The following TIAM1 variants were observed in gnomAD, a reference collection of about 807,000 sequenced individuals.
TIAM1 encodes the protein rho guanine nucleotide exchange factor TIAM1.
Under a neutral mutation model 163.5 loss-of-function variants are expected in TIAM1, and 65 were observed. That is an observed-to-expected ratio of 0.40 (90% CI 0.33 to 0.49). The LOEUF is 0.49. TIAM1 is among the 20% of genes least tolerant of loss of function. The pLI is 0.77. For missense variants in TIAM1, 1,789 were observed against 2,044.7 expected, an observed-to-expected ratio of 0.87 and a Z score of 2.41; for synonymous variants, 833 against 810.1, an observed-to-expected ratio of 1.03 and a Z score of -0.48.
At chr21:31,361,499 G>GC (rs1435787041) in intron 2 of TIAM1, among the ~76,000 whole-genome samples, 1 of 152,136 alleles carries the variant, frequency 6.6e-6, no homozygotes, top group Non-Finnish European at 1.5e-5. Context: ...TACCCAGTAG[G>GC]CTGTACAGTC....
At chr21:31,354,227 C>T (rs961600029) in intron 2 of TIAM1, among the ~76,000 whole-genome samples, 1 of 152,118 alleles carries the variant, frequency 6.6e-6, no homozygotes, top group Non-Finnish European at 1.5e-5. Flanking sequence ...AAAGCCTACA[C>T]TTACTCATGG....
intron 2 of TIAM1, among the ~76,000 whole-genome samples, chr21:31,277,526 T>C (rs2073351139): frequency 6.6e-6 from 1 of 152,110 alleles, no homozygotes; most frequent in African/African-American, 2.4e-5. Context: ...GTGCTTGTAA[T>C]CCCAGATACT....
At chr21:31,347,615 C>T (rs1224022679), upstream of TIAM1, among the ~76,000 whole-genome samples, 1 of 152,186 alleles carries the variant, frequency 6.6e-6, no homozygotes, top group East Asian at 1.9e-4. Context: ...CAAAGAAATG[C>T]AACCAGTAGA....
intron 5 of TIAM1, 141 bp downstream of exon 5, chr21:31,251,601 T>C (rs2071806957): frequency 2.3e-6 from 2 of 877,466 alleles, no homozygotes; most frequent in African/African-American, 1.7e-5. Flanking sequence ...GCTCTTACTA[T>C]GATAAATGTT....
chr21:31,232,308 T>C (rs1262370199), intron 6 of TIAM1, among the ~76,000 whole-genome samples: 1 of 152,184 alleles, frequency 6.6e-6, no homozygotes, highest in Non-Finnish European at 1.5e-5. Flanking sequence ...TGTCAATGGC[T>C]GAAGGCAGTT....
intron 2 of TIAM1, among the ~76,000 whole-genome samples, chr21:31,438,179 C>CTTTTTTTTTTTTTTTTT (rs34844399): frequency 4.8e-5 from 3 of 62,716 alleles, no homozygotes; most frequent in African/African-American, 2.1e-4. Flanking sequence ...TATTTGTGAT[C>CTTTTTTTTTTTTTTTTT]TTTTTTTTTT....
intron 1 of TIAM1, among the ~76,000 whole-genome samples, chr21:31,536,466 G>A (rs1025461505): frequency 6.6e-6 from 1 of 152,268 alleles, no homozygotes; most frequent in Non-Finnish European, 1.5e-5. Flanking sequence ...AATGCAGGAA[G>A]CTGAAGGAAG....
rs933500467 is a variant in TIAM1 at position 31,120,427 on chromosome 21, C to A, written c.4717G>T (p.Val1573Phe). Reference sequence around the variant, plus strand: ...AAGTCTTCACGCCTAACCCAAATGACTTCCTCGCTTGCGCTCTCCAGGCCT... The same window carrying A: ...AAGTCTTCACGCCTAACCCAAATGAATTCCTCGCTTGCGCTCTCCAGGCCT... ...NGGLESASEE[V>F]IWVRREDFAP... is the part of the protein sequence containing the mutation. The change falls in exon 28 of 28, where the codon GTC (valine) becomes TTC (phenylalanine). Residue 1573 changes from valine to phenylalanine, a missense_variant. Physicochemically the swap from Val to Phe is conservative, Grantham distance 50. This residue lies in a region of TIAM1 where 415 missense variants were observed against 439.2 expected (regional missense o/e 0.94). Coordinates refer to ENST00000541036, the MANE Select transcript of TIAM1 (RefSeq NM_001353694.2). This position sits in a 1 kb window ranked among gnomAD's most constrained non-coding sequence, Gnocchi z 4.2. The A allele has an allele frequency of 1.2e-6, 2 of 1,614,054 alleles. No homozygotes were observed. The highest frequency in any genetic ancestry group is 1.3e-5 in the African/African-American group (1 of 74,940).
chr21:31,391,468 T>C (rs2076964008), intron 2 of TIAM1, among the ~76,000 whole-genome samples: 1 of 151,902 alleles, frequency 6.6e-6, no homozygotes, highest in South Asian at 2.1e-4. Context: ...CTACTAAAAA[T>C]ACAAAAATTA....
At chr21:31,469,516 GA>G (rs1223817359) in intron 1 of TIAM1, among the ~76,000 whole-genome samples, 1 of 152,136 alleles carries the variant, frequency 6.6e-6, no homozygotes, top group Non-Finnish European at 1.5e-5. Flanking sequence ...AGAAGAAGAA[GA>G]GGGGCAGAGA....
chr21:31,267,072 G>A (rs772309701), intron 3 of TIAM1, 89 bp from the exon 4 acceptor site: 67 of 1,489,874 alleles, frequency 4.5e-5, no homozygotes, highest in Non-Finnish European at 5.8e-5. Context: ...CTGCAGGGAG[G>A]GCAGAACACC....
At chr21:31,130,112 A>AAG in intron 25 of TIAM1, 101 bp downstream of exon 25, 1 of 911,698 alleles carries the variant, frequency 1.1e-6, no homozygotes, top group Non-Finnish European at 1.6e-6. Context: ...AAAAAAAAAA[A>AAG]GACGGTAGAA....
rs559450862 is a variant in TIAM1, at chr21:31,494,063, T to G, written c.-421-30028A>C. Among the ~76,000 whole-genome samples, 260 of 152,268 alleles carry G rather than the reference T, an allele frequency of 1.7e-3. 2 individuals carry two copies. The highest frequency in any genetic ancestry group is 5.9e-3 in the African/African-American group (245 of 41,556). ...CCCAGTAGCTGGGATTACAGGCATG[T>G]GCCACTACGCCCAGCTAATTTTTGT... On this transcript the variant is annotated intron_variant, in intron 1 of 28. Transcript: ENST00000286827.
At chr21:31,143,314 C>G (rs887232834) in intron 20 of TIAM1, among the ~76,000 whole-genome samples, 3 of 152,094 alleles carry the variant, frequency 2.0e-5, no homozygotes, top group African/African-American at 7.2e-5. Context: ...GACTTTCCCC[C>G]ACTGGAAATT....
chr21:31,216,215 G>C (rs1036562372), intron 9 of TIAM1, among the ~76,000 whole-genome samples: 1 of 152,126 alleles, frequency 6.6e-6, no homozygotes, highest in Non-Finnish European at 1.5e-5. Flanking sequence ...ATCACAGTCA[G>C]CTAAGGGACT....
At chr21:31,286,229 C>T (rs918170390) in intron 2 of TIAM1, among the ~76,000 whole-genome samples, 13 of 152,078 alleles carry the variant, frequency 8.5e-5, no homozygotes, top group Admixed American at 8.5e-4. Flanking sequence ...CGCAGTGCAG[C>T]AAAGAATATT....
At chr21:31,146,025 A>G (rs2083091027) in intron 20 of TIAM1, among the ~76,000 whole-genome samples, 1 of 152,194 alleles carries the variant, frequency 6.6e-6, no homozygotes, top group African/African-American at 2.4e-5. Flanking sequence ...AATCGAAATT[A>G]AAGAAAAACA....
chr21:31,340,520 A>G (rs1445327260), intron 1 of TIAM1, among the ~76,000 whole-genome samples: 1 of 152,104 alleles, frequency 6.6e-6, no homozygotes, highest in Non-Finnish European at 1.5e-5. Flanking sequence ...TTCACGTTTA[A>G]TTCTTTTCCT....
chr21:31,312,531 A>G (rs1033628244), intron 2 of TIAM1, among the ~76,000 whole-genome samples: 4 of 152,320 alleles, frequency 2.6e-5, no homozygotes, highest in Middle Eastern at 3.4e-3. Context: ...TTCCCTAACC[A>G]AAAATTTCAC....
Sources: allele counts gnomAD v4.1 joint callset (sites outside exome capture counted in the v4.1 genomes callset), GRCh38; gene constraint gnomAD v4.1.1; regional missense constraint gnomAD v4.1.1; non-coding constraint Gnocchi (gnomAD v3.1); transcripts MANE v1.5; gene names NCBI Gene and HGNC (gene_info 2026-07-23, HGNC 2026-07-21).